Variants in KRAS observed in about 807,000 individuals in gnomAD.
The protein encoded by KRAS is KRas proto-oncogene, GTPase.
KRAS carries 1 observed loss-of-function variant against 21.0 expected under a neutral mutation model. The ratio of observed to expected loss-of-function variants is 0.05; its 90% confidence interval spans 0.02 to 0.23. KRAS has a LOEUF of 0.23. KRAS is among the 10% of genes least tolerant of loss of function. KRAS has a pLI of 1.00. For synonymous variants in KRAS, 67 were observed against 72.5 expected (o/e 0.92, Z 0.39); for missense variants, 107 against 221.8 (o/e 0.48, Z 3.29).
chr12:25,238,102 AAAC>A (rs1404991182), intron 2 of KRAS, among the ~76,000 whole-genome samples: 2 of 152,250 alleles, frequency 1.3e-5, no homozygotes, highest in Admixed American at 6.5e-5. Flanking sequence ...AGGATAAAGA[AAAC>A]AAAGACTTCT....
At chr12:25,233,638 A>G (rs1321918121) in intron 2 of KRAS, among the ~76,000 whole-genome samples, 1 of 152,224 alleles carries the variant, frequency 6.6e-6, no homozygotes, top group Non-Finnish European at 1.5e-5. Flanking sequence ...CATAGCATGT[A>G]TTATAATTTG....
At chr12:25,240,021 C>T (rs761765369) in intron 2 of KRAS, among the ~76,000 whole-genome samples, 2 of 152,028 alleles carry the variant, frequency 1.3e-5, no homozygotes, top group Non-Finnish European at 2.9e-5. Context: ...GAGGGACACA[C>T]TACCTACCTT....
chr12:25,216,903 A>G (rs1592799767), intron 4 of KRAS, among the ~76,000 whole-genome samples: 1 of 152,226 alleles, frequency 6.6e-6, no homozygotes, highest in African/African-American at 2.4e-5. Context: ...ATGTAATATT[A>G]TGTTCATTCT....
At chr12:25,228,061 T>C (rs1422447988) in intron 2 of KRAS, among the ~76,000 whole-genome samples, 1 of 152,074 alleles carries the variant, frequency 6.6e-6, no homozygotes, top group Admixed American at 6.6e-5. Flanking sequence ...TTAATGCAGG[T>C]TAATCCAAAA....
At chr12:25,246,991 C>T (rs1951692090) in intron 1 of KRAS, among the ~76,000 whole-genome samples, 1 of 151,872 alleles carries the variant, frequency 6.6e-6, no homozygotes, top group Non-Finnish European at 1.5e-5. Context: ...GCTTTTCATA[C>T]ACTGTCTCCC....
At chr12:25,221,747 C>CT (rs934046780) in intron 4 of KRAS, among the ~76,000 whole-genome samples, 4 of 152,082 alleles carry the variant, frequency 2.6e-5, no homozygotes, top group African/African-American at 9.7e-5. Flanking sequence ...GAATATAATT[C>CT]TTTTTGGGTG....
At chr12:25,218,010 T>TG in intron 4 of KRAS, among the ~76,000 whole-genome samples, 1 of 152,216 alleles carries the variant, frequency 6.6e-6, no homozygotes, top group Non-Finnish European at 1.5e-5. Flanking sequence ...TTTTCATTAA[T>TG]AAGCAACATA....
chr12:25,233,432 T>C (rs2135791896), intron 2 of KRAS, among the ~76,000 whole-genome samples: 1 of 152,246 alleles, frequency 6.6e-6, no homozygotes, highest in South Asian at 2.1e-4. Context: ...TGTGTACCTG[T>C]AGTCCCAGCT....
At chr12:25,248,974 A>C (rs1264215722) in intron 1 of KRAS, among the ~76,000 whole-genome samples, 2 of 152,222 alleles carry the variant, frequency 1.3e-5, no homozygotes, top group African/African-American at 4.8e-5. Context: ...CACCAGTTTT[A>C]TGGTTAATTC....
chr12:25,205,561 G>GAAAT lies in KRAS; in HGVS notation c.*4230_*4233dup, dbSNP rs1223804660. 1 of 215,900 alleles carries GAAAT rather than the reference G, an allele frequency of 4.6e-6. No homozygotes were observed. The highest frequency in any genetic ancestry group is 2.3e-5 in the African/African-American group (1 of 44,368). The allele number at this position is 215,900 out of a possible 1,614,324, so 13.4% of individuals were successfully genotyped here. ...ATTCCAGGTAAACATGTTACATTAAGAAATAGTACTAGTAAGAAATTGGCA... is the reference window on the plus strand; with the variant it reads ...ATTCCAGGTAAACATGTTACATTAAGAAATAAATAGTACTAGTAAGAAATTGGCA... On this transcript the variant is annotated 3_prime_UTR_variant, in exon 5 of 5. Transcript: ENST00000311936.
chr12:25,222,404 T>A (rs1951338505), intron 4 of KRAS, among the ~76,000 whole-genome samples: 1 of 152,088 alleles, frequency 6.6e-6, no homozygotes, highest in Non-Finnish European at 1.5e-5. Context: ...AATAAGACTT[T>A]TGAAAGGCAA....
intron 4 of KRAS, among the ~76,000 whole-genome samples, chr12:25,218,665 G>A (rs907355159): frequency 6.6e-6 from 1 of 152,188 alleles, no homozygotes. Context: ...AAGAGAACAT[G>A]AGAACATTAT....
intron 4 of KRAS, among the ~76,000 whole-genome samples, chr12:25,221,441 C>A (rs1442191005): frequency 1.3e-5 from 2 of 152,114 alleles, no homozygotes; most frequent in African/African-American, 2.4e-5. Flanking sequence ...ACCACGTTGG[C>A]CAGGCTGGCC....
Position 25,245,541 on chromosome 12 carries a change from C to A in KRAS, c.-11-146G>T. 3 of 877,258 alleles carry A rather than the reference C, an allele frequency of 3.4e-6. No individual in the cohort carries two copies. The South Asian group carries it at 5.0e-5, about 15-fold the overall frequency. The allele number at this position is 877,258 out of a possible 1,614,324, so 54.3% of individuals were successfully genotyped here. ...TTCAAAATACCTTACAAAATTCAAT[C>A]ATGAAAATTCCAGTTGACTGCAGAC... is the stretch of plus-strand genomic sequence containing the variant. On this transcript the variant is annotated intron_variant, in intron 1 of 4. Transcript: ENST00000311936.
At chr12:25,237,114 TATC>T (rs1951553611) in intron 2 of KRAS, among the ~76,000 whole-genome samples, 1 of 152,030 alleles carries the variant, frequency 6.6e-6, no homozygotes, top group African/African-American at 2.4e-5. Flanking sequence ...ACTCTGAAAA[TATC>T]ATCCTGTGTG....
chr12:25,248,739 A>T (rs1038213654), intron 1 of KRAS, among the ~76,000 whole-genome samples: 1 of 152,164 alleles, frequency 6.6e-6, no homozygotes. Context: ...ACCGAGAGTT[A>T]GAAAAGCTAG....
rs577175389 is a variant in KRAS, at chr12:25,237,046, G to A, written c.111+8228C>T. 1.0e-3 allele frequency among the ~76,000 whole-genome samples: 157 copies of A among 152,278 alleles called. 2 individuals are homozygous for A. The South Asian group carries it at 0.011, about 10-fold the overall frequency. ...AAATAAGGTATATCCATATAACAGA[G>A]TATTATTCAGCCAGAAAAAGGAATG... On this transcript the variant is annotated intron_variant, in intron 2 of 4. Coordinates refer to ENST00000311936, the MANE Select transcript of KRAS (RefSeq NM_004985.5).
intron 2 of KRAS, among the ~76,000 whole-genome samples, chr12:25,228,351 G>C (rs1951421091): frequency 6.6e-6 from 1 of 151,228 alleles, no homozygotes; most frequent in Admixed American, 6.6e-5. Context: ...TGCTGAACCA[G>C]TTAAGTATCT....
intron 2 of KRAS, among the ~76,000 whole-genome samples, chr12:25,230,434 G>A (rs1307006783): frequency 6.6e-6 from 1 of 152,098 alleles, no homozygotes; most frequent in Non-Finnish European, 1.5e-5. Context: ...TTTGAGATCA[G>A]CCTGACCAAC....
Sources: gnomAD v4.1 joint callset for allele counts (sites outside exome capture counted in the v4.1 genomes callset) on GRCh38, gnomAD v4.1.1 for gene constraint, MANE v1.5 for transcripts, NCBI Gene and HGNC (gene_info 2026-07-23, HGNC 2026-07-21) for gene names.